CRADD: variants seen among roughly 807,000 people sequenced by gnomAD.
The protein encoded by CRADD is CARD and death domain containing adaptor protein.
A neutral mutation model predicts 15.5 loss-of-function variants in CRADD; 9 were observed. The observed-to-expected ratio is 0.58, with a 90% CI of 0.35 to 1.01. CRADD has a LOEUF of 1.01. Ranked by LOEUF, CRADD falls within the 50% of genes least tolerant of loss-of-function variation. CRADD has a pLI of 0.02. For missense variants in CRADD, 227 were observed against 250.3 expected (o/e 0.91, Z 0.63); for synonymous variants, 118 against 107.6 (o/e 1.10, Z -0.60).
chr12:93,862,624 A>G (rs1420171548), intron 2 of CRADD, among the ~76,000 whole-genome samples: 1 of 152,208 alleles, frequency 6.6e-6, no homozygotes, highest in African/African-American at 2.4e-5. Context: ...TGAGTCAGCT[A>G]ATTTTTAAAA....
chr12:93,752,708 A>G (rs777864955), intron 2 of CRADD, among the ~76,000 whole-genome samples: 1 of 152,174 alleles, frequency 6.6e-6, no homozygotes, highest in Non-Finnish European at 1.5e-5. Flanking sequence ...GATTTAATGG[A>G]CTCACAGTTC....
At position 93,849,998 on chromosome 12, in the gene CRADD, C is replaced by T. The variant is rs201194491; in HGVS notation, c.327C>T (p.His109=). ...AGDRLTGIPS[H]ILNSSPSDRQ... is the part of the protein sequence containing the mutation. Reference sequence around the variant, plus strand: ...ACAGATTGACTGGGATCCCCTCGCACATCCTCAACAGCTCCCCATCAGACC... The same window carrying T: ...ACAGATTGACTGGGATCCCCTCGCATATCCTCAACAGCTCCCCATCAGACC... The change falls in exon 3 of 3, where the codon CAC becomes CAT. Residue 109 remains histidine, a synonymous_variant. Coordinates refer to ENST00000332896, the MANE Select transcript of CRADD (RefSeq NM_003805.5). 1.7e-5 allele frequency: 27 copies of T among 1,609,868 alleles called. No individual in the cohort carries two copies. Among genetic ancestry groups the T allele is most frequent in the South Asian group, 1.1e-5 (1 of 91,002 alleles).
Position 93,755,106 on chromosome 12 carries a change from A to G in CRADD, c.298+76034A>G, listed in dbSNP as rs1321746620. Among the ~76,000 whole-genome samples the G allele has an allele frequency of 3.9e-5, 6 of 152,180 alleles. No individual in the cohort carries two copies. The South Asian group carries it at 1.0e-3, about 26-fold the overall frequency. Reference sequence around the variant, plus strand: ...AGCATGTGAAGGGGAATGGCCCTTTATAAAACCATCAGATCTCTTGAGACT... The same window carrying G: ...AGCATGTGAAGGGGAATGGCCCTTTGTAAAACCATCAGATCTCTTGAGACT... On this transcript the variant is annotated intron_variant, in intron 2 of 2. Transcript: ENST00000332896.
intron 2 of CRADD, among the ~76,000 whole-genome samples, chr12:93,679,694 G>T (rs561847097): frequency 6.6e-6 from 1 of 152,332 alleles, no homozygotes; most frequent in East Asian, 1.9e-4. Context: ...TCATCAGAGA[G>T]CCAGGTCATA....
chr12:93,846,595 C>G (rs936353596), intron 2 of CRADD: 1 of 149,940 alleles, frequency 6.7e-6, no homozygotes. Flanking sequence ...CACACACACA[C>G]ACACACACAC....
Position 93,886,162 on chromosome 12 carries a change from C to CGT in CRADD, c.299-7888_299-7887insGT, listed in dbSNP as rs1555231623. On this transcript the variant is annotated intron_variant, in intron 2 of 2. Transcript: ENST00000548483. ...ATGGACATGCCTCTAGCTGCTGATG[C>CGT]TTTTTTTTTTTTTTTTTTTTGAGAC... is the stretch of plus-strand genomic sequence containing the variant. Among the ~76,000 whole-genome samples the CGT allele has an allele frequency of 9.5e-3, 1,172 of 123,938 alleles. 39 individuals are homozygous for CGT. The highest frequency in any genetic ancestry group is 0.034 in the African/African-American group (1,125 of 32,922). The allele number at this position is 123,938 out of a possible 152,430, so 81.3% of individuals were successfully genotyped here. A position where few individuals can be genotyped will look rare whatever the true frequency, so the allele number is the denominator to read the frequency against.
chr12:93,887,116 CTGCTAGTTTGTCTCTTTTGAAAA>C (rs1958543273), intron 2 of CRADD, among the ~76,000 whole-genome samples: 1 of 152,192 alleles, frequency 6.6e-6, no homozygotes, highest in Admixed American at 6.5e-5. Flanking sequence ...CATTTTGAAT[CTGCTAGTTTGTCTCTTTTGAAAA>C]TGAGAGAAAA....
intron 2 of CRADD, among the ~76,000 whole-genome samples, chr12:93,864,393 T>G (rs1266749808): frequency 1.3e-5 from 2 of 152,170 alleles, no homozygotes; most frequent in African/African-American, 4.8e-5. Flanking sequence ...CCCACACACA[T>G]TTTCTCTTCT....
chr12:93,702,303 G>A (rs1271973924), intron 2 of CRADD, among the ~76,000 whole-genome samples: 3 of 152,052 alleles, frequency 2.0e-5, no homozygotes, highest in Non-Finnish European at 4.4e-5. Context: ...ATCTGGGCTT[G>A]GCAGGGTAGG....
chr12:93,702,900 A>G (rs996849451), intron 2 of CRADD, among the ~76,000 whole-genome samples: 11 of 152,208 alleles, frequency 7.2e-5, no homozygotes, highest in African/African-American at 2.7e-4. Context: ...TAAATTGGAC[A>G]GAATCACCTT....
chr12:93,785,581 G>A (rs1957268898), intron 2 of CRADD, among the ~76,000 whole-genome samples: 1 of 152,344 alleles, frequency 6.6e-6, no homozygotes, highest in South Asian at 2.1e-4. Context: ...GAGAGGATAT[G>A]TGGAAGCTGA....
At chr12:93,894,512 A>G (rs1044127816) in exon 3 of CRADD, 4 of 199,040 alleles carry the variant, frequency 2.0e-5, no homozygotes, top group Non-Finnish European at 1.1e-5. Context: ...GGCTGCCACA[A>G]GAGTTAAAGC....
intron 2 of CRADD, among the ~76,000 whole-genome samples, chr12:93,770,113 T>TTTTG (rs1957068747): frequency 6.8e-6 from 1 of 147,302 alleles, no homozygotes. Flanking sequence ...TTTTTTTTTT[T>TTTTG]GAGACGGAGT....
chr12:93,754,275 T>A (rs1956863763), intron 2 of CRADD, among the ~76,000 whole-genome samples: 1 of 152,234 alleles, frequency 6.6e-6, no homozygotes, highest in Non-Finnish European at 1.5e-5. Flanking sequence ...AAACCATTTT[T>A]TCCTGCTAGG....
At chr12:93,857,213 G>A (rs766381661) in intron 2 of CRADD, among the ~76,000 whole-genome samples, 3 of 152,066 alleles carry the variant, frequency 2.0e-5, no homozygotes, top group South Asian at 2.1e-4. Flanking sequence ...CTCTAAGCAG[G>A]GCTGTTTTTG....
At chr12:93,786,951 G>T (rs1957284469) in intron 2 of CRADD, among the ~76,000 whole-genome samples, 1 of 152,140 alleles carries the variant, frequency 6.6e-6, no homozygotes, top group Admixed American at 6.5e-5. Flanking sequence ...TAATGGAATT[G>T]TTGCCTACAA....
intron 2 of CRADD, among the ~76,000 whole-genome samples, chr12:93,846,905 C>T (rs1958127556): frequency 6.6e-6 from 1 of 151,982 alleles, no homozygotes; most frequent in Non-Finnish European, 1.5e-5. Context: ...TCGAGACCAT[C>T]CTGGCTAACA....
intron 2 of CRADD, among the ~76,000 whole-genome samples, chr12:93,732,275 T>C (rs544986270): frequency 7.6e-6 from 1 of 130,864 alleles, no homozygotes; most frequent in South Asian, 2.9e-4. Context: ...TAAGTAACTT[T>C]AGTGTGCATT....
At chr12:93,697,874 G>A (rs1955748588) in intron 2 of CRADD, among the ~76,000 whole-genome samples, 1 of 152,130 alleles carries the variant, frequency 6.6e-6, no homozygotes, top group South Asian at 2.1e-4. Flanking sequence ...GATGGCATGT[G>A]GATGGTTGTG....
Sources: allele counts gnomAD v4.1 joint callset (sites outside exome capture counted in the v4.1 genomes callset), GRCh38; gene constraint gnomAD v4.1.1; transcripts MANE v1.5; gene names NCBI Gene and HGNC (gene_info 2026-07-23, HGNC 2026-07-21).